Variants in NAALADL2 observed in about 807,000 individuals in gnomAD.
The protein encoded by NAALADL2 is N-acetylated alpha-linked acidic dipeptidase like 2, also known as inactive N-acetylated-alpha-linked acidic dipeptidase-like protein 2.
Under a neutral mutation model 87.2 loss-of-function variants are expected in NAALADL2, and 76 were observed. The ratio of observed to expected loss-of-function variants is 0.87; its 90% confidence interval spans 0.72 to 1.05. The LOEUF is 1.05. NAALADL2 is among the 50% of genes least tolerant of loss of function. The probability of loss-of-function intolerance (pLI) is 0.00; values close to 1 mark genes in which losing one functional copy is unlikely to be tolerated. For missense variants in NAALADL2, 1,089 were observed against 945.8 expected, an observed-to-expected ratio of 1.15 and a Z score of -1.99; for synonymous variants, 354 against 331.0, an observed-to-expected ratio of 1.07 and a Z score of -0.75.
chr3:175,578,861 C>T (rs954235447), intron 10 of NAALADL2, among the ~76,000 whole-genome samples: 18 of 152,366 alleles, frequency 1.2e-4, no homozygotes, highest in African/African-American at 3.4e-4. Flanking sequence ...GCACTGCTCA[C>T]TAGCCTGCCA....
At chr3:175,578,835 A>G (rs1719303463) in intron 10 of NAALADL2, among the ~76,000 whole-genome samples, 1 of 152,240 alleles carries the variant, frequency 6.6e-6, no homozygotes, top group Non-Finnish European at 1.5e-5. Context: ...CTCCACGGAA[A>G]CAATCAACTA....
chr3:174,910,182 T>C (rs1733516997), intron 1 of NAALADL2, among the ~76,000 whole-genome samples: 1 of 151,898 alleles, frequency 6.6e-6, no homozygotes, highest in Admixed American at 6.6e-5. Flanking sequence ...ATATATCACA[T>C]AGAGATCGTC....
intron 1 of NAALADL2, among the ~76,000 whole-genome samples, chr3:175,083,988 C>T (rs963083168): frequency 1.7e-4 from 26 of 151,980 alleles, no homozygotes; most frequent in Non-Finnish European, 2.9e-4. Context: ...CTGTGTATGC[C>T]GAGAAGAAGC....
chr3:175,759,449 C>T (rs1413131483), intron 13 of NAALADL2, among the ~76,000 whole-genome samples: 11 of 151,978 alleles, frequency 7.2e-5, no homozygotes, highest in Admixed American at 3.9e-4. Context: ...CCTCCACCTC[C>T]GGGGTTCAAG....
intron 1 of NAALADL2, among the ~76,000 whole-genome samples, chr3:174,895,377 A>C (rs766039322): frequency 2.3e-4 from 35 of 152,134 alleles, no homozygotes; most frequent in Non-Finnish European, 3.2e-4. Flanking sequence ...AATTTAAAGG[A>C]TCATTAGTGG....
intron 1 of NAALADL2, among the ~76,000 whole-genome samples, chr3:174,984,992 A>G (rs917926781): frequency 8.5e-5 from 13 of 152,306 alleles, no homozygotes; most frequent in Middle Eastern, 3.4e-3. Context: ...AACTTGCAGA[A>G]GGTATATACT....
At chr3:174,956,776 T>C (rs1159310955) in intron 1 of NAALADL2, among the ~76,000 whole-genome samples, 2 of 151,918 alleles carry the variant, frequency 1.3e-5, no homozygotes, top group Non-Finnish European at 2.9e-5. Context: ...GCACTGGAGA[T>C]TGTAACAAGA....
In NAALADL2 at chr3:175,663,836, G is replaced by A. The variant is rs573668962; in HGVS notation, c.1896+36450G>A. On this transcript the variant is annotated intron_variant, in intron 11 of 13. Transcript: ENST00000454872. ...TGGTATTTGTAATATTAAAGAATAC[G>A]TAATTCCTAGAAAACATAATAAAAT... 3.2e-4 allele frequency among the ~76,000 whole-genome samples: 48 copies of A among 151,836 alleles called. No homozygotes were observed. The South Asian group carries it at 6.6e-3, about 21-fold the overall frequency.
At chr3:175,788,457 A>T (rs1407494793) in intron 13 of NAALADL2, among the ~76,000 whole-genome samples, 1 of 152,090 alleles carries the variant, frequency 6.6e-6, no homozygotes, top group Non-Finnish European at 1.5e-5. Context: ...TATATATACA[A>T]ATATTTACCA....
intron 1 of NAALADL2, among the ~76,000 whole-genome samples, chr3:174,896,400 T>G (rs1054250907): frequency 6.6e-6 from 1 of 151,610 alleles, no homozygotes; most frequent in African/African-American, 2.4e-5. Flanking sequence ...TAAAAAGAAA[T>G]AAAAAGGTAA....
At chr3:175,663,933 T>C (rs934690916) in intron 11 of NAALADL2, among the ~76,000 whole-genome samples, 8 of 152,052 alleles carry the variant, frequency 5.3e-5, no homozygotes, top group Admixed American at 5.2e-4. Context: ...TGATGTATTT[T>C]TGTGAGACAG....
intron 2 of NAALADL2, among the ~76,000 whole-genome samples, chr3:174,656,307 G>T (rs1305137641): frequency 6.6e-6 from 1 of 152,178 alleles, no homozygotes; most frequent in Non-Finnish European, 1.5e-5. Flanking sequence ...CTGAAGGATA[G>T]AGAAATTTCC....
rs563644310 is a variant in NAALADL2 at position 175,011,944 on chromosome 3, C to T, written c.44-84846C>T. Among the ~76,000 whole-genome samples the T allele has an allele frequency of 1.5e-4, 23 of 152,186 alleles. No homozygotes were observed. The South Asian group carries it at 3.1e-3, about 21-fold the overall frequency. On this transcript the variant is annotated intron_variant, in intron 1 of 13. Coordinates refer to ENST00000454872, the MANE Select transcript of NAALADL2 (RefSeq NM_207015.3). ...GCATGCAAAAACTGTAAAAAGCTATCGCCATTACAGTCAATAAGAAGGTTA... is the reference window on the plus strand; with the variant it reads ...GCATGCAAAAACTGTAAAAAGCTATTGCCATTACAGTCAATAAGAAGGTTA...
intron 11 of NAALADL2, among the ~76,000 whole-genome samples, chr3:175,702,228 C>G: frequency 6.6e-6 from 1 of 152,098 alleles, no homozygotes; most frequent in East Asian, 1.9e-4. Context: ...ATTTGTTGTT[C>G]TCTCTCTGCA....
At chr3:174,783,923 C>T (rs553550290) in intron 3 of NAALADL2, among the ~76,000 whole-genome samples, 97 of 152,214 alleles carry the variant, frequency 6.4e-4, no homozygotes, top group African/African-American at 2.3e-3. Context: ...CATGATAGAG[C>T]TTATTCCTCT....
At chr3:174,832,995 C>G (rs1293314667) in intron 3 of NAALADL2, among the ~76,000 whole-genome samples, 42 of 152,158 alleles carry the variant, frequency 2.8e-4, no homozygotes, top group Non-Finnish European at 2.9e-5. Flanking sequence ...ACATCTACAT[C>G]TCTCTACATC....
intron 4 of NAALADL2, among the ~76,000 whole-genome samples, chr3:175,264,597 A>G (rs1751615373): frequency 1.3e-5 from 2 of 151,808 alleles, no homozygotes; most frequent in Non-Finnish European, 1.5e-5. Flanking sequence ...ACAGAAAAAA[A>G]ACTGAAGTCT....
chr3:174,992,601 C>T lies in NAALADL2; in HGVS notation c.44-104189C>T, dbSNP rs78170146. Among the ~76,000 whole-genome samples, 39 of 152,116 alleles carry T rather than the reference C, an allele frequency of 2.6e-4. No individual in the cohort carries two copies. In the East Asian group the frequency reaches 7.0e-3, roughly 27 times the overall value. ...TTTATCATTTCTGTTTAATTTCTTT[C>T]AGATTATTCCTTGACTTTATAATAC... On this transcript the variant is annotated intron_variant, in intron 1 of 13. Transcript: ENST00000454872.
At chr3:174,983,711 C>T (rs9810343) in intron 1 of NAALADL2, among the ~76,000 whole-genome samples, 14,314 of 152,064 alleles carry the variant, frequency 0.094, 1,571 homozygotes, top group African/African-American at 0.26. Context: ...CTCCCAAAGG[C>T]CCCGACTCCT....
Sources: allele counts gnomAD v4.1 joint callset (sites outside exome capture counted in the v4.1 genomes callset), GRCh38; gene constraint gnomAD v4.1.1; transcripts MANE v1.5; gene names NCBI Gene and HGNC (gene_info 2026-07-23, HGNC 2026-07-21).